Variants in SLC22A25 observed in about 807,000 individuals in gnomAD.
SLC22A25 encodes MGI:2442751, MGI:2385316, MGI:3042283, MGI:3645714, MGI:3605624, MGI:2442750.
Under a neutral mutation model 45.9 loss-of-function variants are expected in SLC22A25, and 44 were observed. That is an observed-to-expected ratio of 0.96 (90% CI 0.75 to 1.23). The LOEUF is 1.23. Among genes scored for constraint, SLC22A25 ranks in the 50% most tolerant of loss-of-function variants. The probability of loss-of-function intolerance (pLI) is 0.00; values close to 1 mark genes in which losing one functional copy is unlikely to be tolerated. For synonymous variants in SLC22A25, 283 were observed against 238.6 expected (o/e 1.19, Z -1.72); for missense variants, 800 against 666.4 (o/e 1.20, Z -2.21).
chr11:63,180,522 A>G, intron 9 of SLC22A25, 138 bp downstream of exon 9: 1 of 620,724 alleles, frequency 1.6e-6, no homozygotes, highest in Non-Finnish European at 2.7e-6. Flanking sequence ...ACCACTTTTA[A>G]AAATAGCAAT....
intron 7 of SLC22A25, among the ~76,000 whole-genome samples, chr11:63,194,797 G>A (rs547585990): frequency 8.7e-5 from 13 of 149,094 alleles, no homozygotes; most frequent in South Asian, 2.2e-4. Flanking sequence ...AGACTCATCA[G>A]TGTGTTGTAT....
At chr11:63,203,558 G>C (rs1321545241) in intron 7 of SLC22A25, among the ~76,000 whole-genome samples, 1 of 151,780 alleles carries the variant, frequency 6.6e-6, no homozygotes, top group Non-Finnish European at 1.5e-5. Flanking sequence ...AAGTATATCA[G>C]AGATTGAAGA....
At chr11:63,174,941 A>G (rs2088031629) in intron 9 of SLC22A25, among the ~76,000 whole-genome samples, 1 of 152,118 alleles carries the variant, frequency 6.6e-6, no homozygotes, top group Non-Finnish European at 1.5e-5. Context: ...CTCAAGTTTC[A>G]AACATGTTGG....
chr11:63,183,452 ATTG>A (rs2088402019), intron 8 of SLC22A25, among the ~76,000 whole-genome samples: 1 of 152,116 alleles, frequency 6.6e-6, no homozygotes, highest in Non-Finnish European at 1.5e-5. Flanking sequence ...CAAAATTTGC[ATTG>A]TTAACACTCT....
At chr11:63,213,744 C>G (rs1442415791) in intron 7 of SLC22A25, among the ~76,000 whole-genome samples, 1 of 152,154 alleles carries the variant, frequency 6.6e-6, no homozygotes, top group Non-Finnish European at 1.5e-5. Context: ...GGACCTTCCC[C>G]ACTGTTGCAT....
At chr11:63,223,329 AT>A (rs1442029187) in intron 5 of SLC22A25, among the ~76,000 whole-genome samples, 2 of 151,770 alleles carry the variant, frequency 1.3e-5, no homozygotes, top group Admixed American at 1.3e-4. Flanking sequence ...CTGGTTTTGG[AT>A]TTCTTTAGGG....
chr11:63,175,139 T>G (rs1328007228), intron 9 of SLC22A25, among the ~76,000 whole-genome samples: 1 of 152,164 alleles, frequency 6.6e-6, no homozygotes, highest in Non-Finnish European at 1.5e-5. Context: ...TTTGAAAAAC[T>G]GAGATCCTAG....
At chr11:63,221,991 A>G (rs768939525) in intron 5 of SLC22A25, among the ~76,000 whole-genome samples, 1 of 151,926 alleles carries the variant, frequency 6.6e-6, no homozygotes, top group South Asian at 2.1e-4. Context: ...TGGTCTATGC[A>G]TGTGTTTTTA....
chr11:63,229,587 A>G lies in SLC22A25; in HGVS notation c.66T>C (p.Val22=). Residue 22 remains valine, a synonymous_variant, in exon 4 of 12, where the codon GTT becomes GTC. Transcript: ENST00000306494. ...CTATGACGTTGAACATTATAAGGAAAACCATCTGAAGGATCTGGAATCTCC... is the reference window on the plus strand; with the variant it reads ...CTATGACGTTGAACATTATAAGGAAGACCATCTGAAGGATCTGGAATCTCC... ...GLGRFQILQM[V]FLIMFNVIVY... is the part of the protein sequence containing the mutation. 1 of 1,613,790 alleles carries G rather than the reference A, an allele frequency of 6.2e-7. No individual in the cohort carries two copies. Among genetic ancestry groups the G allele is most frequent in the Non-Finnish European group, 8.5e-7 (1 of 1,179,744 alleles).
At position 63,162,407 on chromosome 11, in the gene SLC22A25, A is replaced by T. The variant is rs1471542688; in HGVS notation, c.*1417T>A. Among the ~76,000 whole-genome samples the T allele has an allele frequency of 1.3e-5, 2 of 152,258 alleles. No homozygotes were observed. Among genetic ancestry groups the T allele is most frequent in the South Asian group, 2.1e-4 (1 of 4,824 alleles). ...GCAGTTTCATAGTTTGAGGTCTTAG[A>T]TTCAAGTTTTTAATGCATTTTGATT... On this transcript the variant is annotated 3_prime_UTR_variant, in exon 12 of 12. Transcript: ENST00000306494.
intron 7 of SLC22A25, among the ~76,000 whole-genome samples, chr11:63,195,596 T>C (rs1257384638): frequency 6.6e-6 from 1 of 151,958 alleles, no homozygotes; most frequent in Admixed American, 6.6e-5. Context: ...CTGGGACACA[T>C]TCAAAGCAGT....
chr11:63,197,697 T>C (rs1051122251), intron 7 of SLC22A25, among the ~76,000 whole-genome samples: 3 of 152,032 alleles, frequency 2.0e-5, no homozygotes, highest in Non-Finnish European at 4.4e-5. Flanking sequence ...CCAAAAGCAA[T>C]GGCAACAAAA....
intron 10 of SLC22A25, 114 bp from the exon 11 acceptor site, chr11:63,164,748 T>C: frequency 1.3e-6 from 1 of 795,492 alleles, no homozygotes; most frequent in East Asian, 2.6e-5. Context: ...TAAAATGTAC[T>C]GTAGGAAAAC....
At chr11:63,196,779 T>C (rs762840780) in intron 7 of SLC22A25, among the ~76,000 whole-genome samples, 1 of 152,024 alleles carries the variant, frequency 6.6e-6, no homozygotes, top group African/African-American at 2.4e-5. Flanking sequence ...GAGAAAGAAA[T>C]AAAGGGTATT....
intron 5 of SLC22A25, among the ~76,000 whole-genome samples, chr11:63,221,252 G>A (rs1033913642): frequency 2.0e-5 from 3 of 152,098 alleles, no homozygotes; most frequent in Non-Finnish European, 2.9e-5. Context: ...AACAGTTCAT[G>A]AGGGTTCCCT....
chr11:63,224,696 AAAAC>A (rs1467933829), intron 5 of SLC22A25, among the ~76,000 whole-genome samples: 6 of 152,238 alleles, frequency 3.9e-5, no homozygotes, highest in African/African-American at 9.6e-5. Context: ...ATAAACATGA[AAAAC>A]AAACAGGCAA....
At chr11:63,240,587 T>A (rs1312739339) in intron 1 of SLC22A25, among the ~76,000 whole-genome samples, 1 of 152,200 alleles carries the variant, frequency 6.6e-6, no homozygotes, top group Admixed American at 6.5e-5. Flanking sequence ...AATATAAACA[T>A]GTTGCACAGC....
rs150156614 is a variant in SLC22A25 at position 63,228,541 on chromosome 11, T to C, written c.426A>G (p.Gln142=). 1.9e-6 allele frequency: 3 copies of C among 1,613,738 alleles called. No homozygotes were observed. Among genetic ancestry groups the C allele is most frequent in the Non-Finnish European group, 2.5e-6 (3 of 1,179,848 alleles). The change falls in exon 5 of 12, where the codon CAA becomes CAG. Residue 142 remains glutamine, a synonymous_variant. Coordinates refer to ENST00000306494, the MANE Select transcript of SLC22A25 (RefSeq NM_199352.6). ...GAAATTTAGCTACTGAATTCAGTGG[T>C]TGAGATTCGCATACCAGATCCCACT... ...VTKWDLVCES[Q]PLNSVAKFLF... is the part of the protein sequence containing the mutation.
At chr11:63,210,529 G>A (rs1257958792) in intron 7 of SLC22A25, among the ~76,000 whole-genome samples, 1 of 152,156 alleles carries the variant, frequency 6.6e-6, no homozygotes, top group East Asian at 1.9e-4. Flanking sequence ...ATGGTCAATT[G>A]TCTAACACCC....
Sources: gnomAD v4.1 joint callset for allele counts (sites outside exome capture counted in the v4.1 genomes callset) on GRCh38, gnomAD v4.1.1 for gene constraint, MANE v1.5 for transcripts, NCBI Gene and HGNC (gene_info 2026-07-23, HGNC 2026-07-21) for gene names.